FREM2: variants seen among roughly 807,000 people sequenced by gnomAD.
The protein encoded by FREM2 is FRAS1 related extracellular matrix 2.
FREM2 carries 119 observed loss-of-function variants against 219.9 expected under a neutral mutation model. The observed-to-expected ratio is 0.54, with a 90% CI of 0.47 to 0.63. The LOEUF is 0.63. FREM2 is among the 30% of genes least tolerant of loss of function. The probability of loss-of-function intolerance (pLI) is 0.00; values close to 1 mark genes in which losing one functional copy is unlikely to be tolerated. For missense variants in FREM2, 4,030 were observed against 3,993.6 expected, an observed-to-expected ratio of 1.01 and a Z score of -0.25; for synonymous variants, 1,562 against 1,522.8, an observed-to-expected ratio of 1.03 and a Z score of -0.60.
intron 4 of FREM2, among the ~76,000 whole-genome samples, chr13:38,775,122 G>A (rs547332371): frequency 9.6e-4 from 146 of 152,302 alleles, no homozygotes; most frequent in Non-Finnish European, 1.8e-3. Flanking sequence ...ACAAAAATCT[G>A]TATTCTGAAT....
At chr13:38,770,216 T>C (rs900256699) in intron 4 of FREM2, among the ~76,000 whole-genome samples, 3 of 148,704 alleles carry the variant, frequency 2.0e-5, no homozygotes, top group Non-Finnish European at 4.5e-5. Context: ...TGAATATATA[T>C]ACACATATAT....
intron 2 of FREM2, among the ~76,000 whole-genome samples, chr13:38,702,360 T>C (rs891475557): frequency 2.0e-5 from 3 of 152,076 alleles, no homozygotes; most frequent in Admixed American, 6.6e-5. Flanking sequence ...TAAAAGGAAA[T>C]AACCATTTCC....
chr13:38,737,052 AAT>A (rs1872027275), intron 2 of FREM2, among the ~76,000 whole-genome samples: 1 of 152,134 alleles, frequency 6.6e-6, no homozygotes, highest in African/African-American at 2.4e-5. Flanking sequence ...ATTACTGACT[AAT>A]ATGAAGCCAC....
rs1877880382 is a variant in FREM2 at position 38,864,417 on chromosome 13, T to C, written c.7794T>C (p.Asp2598=). The change falls in exon 16 of 24, where the codon GAT becomes GAC. Residue 2598 remains aspartate (D), a synonymous_variant. Transcript: ENST00000280481. ...AGACTCATTATGGTTTCTTGACTGA[T>C]GCTACCAAAAATCCAGAAATAATTG... ...EVKTHYGFLT[D]ATKNPEIIGE... The C allele has an allele frequency of 2.5e-6, 4 of 1,614,198 alleles. No individual in the cohort carries two copies. Among genetic ancestry groups the C allele is most frequent in the Non-Finnish European group, 3.4e-6 (4 of 1,180,022 alleles).
In FREM2 at chr13:38,690,186, G is replaced by A; in HGVS notation, c.2842G>A (p.Gly948Ser). The A allele has an allele frequency of 6.2e-7, 1 of 1,614,120 alleles. No individual in the cohort carries two copies. Among genetic ancestry groups the A allele is most frequent in the East Asian group, 2.2e-5 (1 of 44,882 alleles). Residue 948 changes from glycine to serine, a missense_variant, in exon 1 of 24, where the codon GGC becomes AGC. Gly to Ser is a moderately conservative substitution (Grantham distance 56). This residue lies in a region of FREM2 where 3,102 missense variants were observed against 2,950.7 expected (regional missense o/e 1.05). Transcript: ENST00000280481. ...DEVPILSHPT[G>S]TLESYLDVLE... The stretch of plus-strand genomic sequence containing the variant: ...AGTGCCCATACTGAGCCATCCTACT[G>A]GCACTCTGGAGTCCTATCTAGATGT...
intron 2 of FREM2, among the ~76,000 whole-genome samples, chr13:38,734,870 C>T (rs1395609739): frequency 2.6e-5 from 4 of 151,692 alleles, no homozygotes; most frequent in African/African-American, 9.7e-5. Flanking sequence ...CCTCAACCTC[C>T]CATGTAGCTG....
Position 38,689,849 on chromosome 13 carries a change from C to G in FREM2, c.2505C>G (p.Thr835=), listed in dbSNP as rs140019811. 1.1e-5 allele frequency: 18 copies of G among 1,614,004 alleles called. No individual in the cohort carries two copies. The African/African-American group carries it at 1.6e-4, about 14-fold the overall frequency. The change falls in exon 1 of 24, where the codon ACC becomes ACG. Residue 835 remains threonine, a synonymous_variant. Transcript: ENST00000280481. ...VDNQPPEILN[T]GFTIQEKGHH... is the part of the protein sequence containing the mutation. ...ACCAGCCACCTGAGATCCTCAACAC[C>G]GGCTTCACTATTCAGGAGAAGGGTC...
chr13:38,721,433 G>A lies in FREM2; in HGVS notation c.5263+23646G>A, dbSNP rs142043538. ...GCAGAGGTAGCATAGCCACGGCAGA[G>A]GCAGCCACCCAGGGAGGGGGACGCA... On this transcript the variant is annotated intron_variant, in intron 2 of 23. Transcript: ENST00000280481. Among the ~76,000 whole-genome samples, 654 of 152,228 alleles carry A rather than the reference G, an allele frequency of 4.3e-3. 10 individuals carry two copies. The highest frequency in any genetic ancestry group is 0.015 in the African/African-American group (614 of 41,530).
intron 8 of FREM2, among the ~76,000 whole-genome samples, chr13:38,849,129 A>T (rs1174846117): frequency 6.6e-6 from 1 of 152,180 alleles, no homozygotes; most frequent in Non-Finnish European, 1.5e-5. Flanking sequence ...GGGGGTTGGG[A>T]TTTCAACATA....
intron 6 of FREM2, among the ~76,000 whole-genome samples, chr13:38,823,031 A>G (rs73184773): frequency 0.015 from 2,336 of 152,230 alleles, 29 homozygotes; most frequent in Non-Finnish European, 0.022. Context: ...AAAACAAATC[A>G]GGAGAAAAAC....
chr13:38,689,705 A>AC lies in FREM2; in HGVS notation c.2366dup (p.Gln791SerfsTer41), dbSNP rs1566103941. On this transcript the variant is annotated frameshift_variant, in exon 1 of 24. Transcript: ENST00000280481. LOFTEE classifies it high-confidence loss of function. ...TCAACCATCATAAAATTGCTTACAG[A>AC]CCCCCGGGTCAAGAACTGGGCGTGG... is the stretch of plus-strand genomic sequence containing the variant. 3 of 1,613,658 alleles carry AC rather than the reference A, an allele frequency of 1.9e-6. No homozygotes were observed. Among genetic ancestry groups the AC allele is most frequent in the Non-Finnish European group, 2.5e-6 (3 of 1,179,894 alleles).
chr13:38,805,711 G>A (rs1404493659), intron 6 of FREM2, among the ~76,000 whole-genome samples: 1 of 151,636 alleles, frequency 6.6e-6, no homozygotes, highest in Non-Finnish European at 1.5e-5. Flanking sequence ...AATAATGAAA[G>A]GTTACCAGAC....
Position 38,764,284 on chromosome 13 carries a change from T to C in FREM2, c.5264-20T>C, listed in dbSNP as rs1249413196. On this transcript the variant is annotated intron_variant, in intron 2 of 23. Coordinates refer to ENST00000280481, the MANE Select transcript of FREM2 (RefSeq NM_207361.6). ...ATTCAAGAAAGCACTAATTTATGGC[T>C]TTAAATTTTTATTTTCAAGGTGGAA... The C allele has an allele frequency of 6.3e-7, 1 of 1,594,778 alleles. No individual in the cohort carries two copies. The highest frequency in any genetic ancestry group is 8.6e-7 in the Non-Finnish European group (1 of 1,162,916).
chr13:38,766,622 G>A (rs528907054), intron 3 of FREM2, among the ~76,000 whole-genome samples: 2 of 152,282 alleles, frequency 1.3e-5, no homozygotes, highest in African/African-American at 2.4e-5. Flanking sequence ...AGTATCGCTT[G>A]AGTACAGCTA....
chr13:38,785,691 A>C (rs958155767), intron 6 of FREM2, among the ~76,000 whole-genome samples: 1 of 152,206 alleles, frequency 6.6e-6, no homozygotes, highest in African/African-American at 2.4e-5. Flanking sequence ...GGTGAAGGTG[A>C]TAATGTGTCT....
At chr13:38,778,977 T>C (rs1284063198) in intron 4 of FREM2, among the ~76,000 whole-genome samples, 1 of 152,190 alleles carries the variant, frequency 6.6e-6, no homozygotes, top group Non-Finnish European at 1.5e-5. Context: ...TGATACTTGG[T>C]GTATTATTTG....
At chr13:38,707,683 A>G (rs1344445352) in intron 2 of FREM2, among the ~76,000 whole-genome samples, 1 of 152,236 alleles carries the variant, frequency 6.6e-6, no homozygotes, top group Non-Finnish European at 1.5e-5. Context: ...GAATAGTTCA[A>G]GAGTGCCACT....
At chr13:38,748,917 G>A (rs1163595768) in intron 2 of FREM2, among the ~76,000 whole-genome samples, 3 of 152,156 alleles carry the variant, frequency 2.0e-5, no homozygotes, top group Non-Finnish European at 4.4e-5. Context: ...GCATGCATGT[G>A]TGTGCAGGTA....
rs7332776 is a variant in FREM2 at position 38,783,542 on chromosome 13, G to C, written c.5767+347G>C. ...AGGAAAAGAAACTAATTTAAAACCA[G>C]TTTGCAACTCATTTCAAAGAAATAT... On this transcript the variant is annotated intron_variant, in intron 5 of 23. Coordinates refer to ENST00000280481, the MANE Select transcript of FREM2 (RefSeq NM_207361.6). Among the ~76,000 whole-genome samples, 1,378 of 149,774 alleles carry C rather than the reference G, an allele frequency of 9.2e-3. 30 individuals carry two copies. Among genetic ancestry groups the C allele is most frequent in the African/African-American group, 0.032 (1,297 of 40,800 alleles).
Sources: allele counts gnomAD v4.1 joint callset (sites outside exome capture counted in the v4.1 genomes callset), GRCh38; gene constraint gnomAD v4.1.1; regional missense constraint gnomAD v4.1.1; transcripts MANE v1.5; gene names NCBI Gene and HGNC (gene_info 2026-07-23, HGNC 2026-07-21).